The following EYA1 variants were observed in gnomAD, a reference collection of about 807,000 sequenced individuals.
The protein encoded by EYA1 is EYA transcriptional coactivator and phosphatase 1, also known as protein phosphatase EYA1.
A neutral mutation model predicts 82.0 loss-of-function variants in EYA1; 16 were observed. That is an observed-to-expected ratio of 0.20 (90% CI 0.13 to 0.30). The LOEUF is 0.30. Among genes scored for constraint, EYA1 ranks in the 10% least tolerant of loss-of-function variants. EYA1 has a pLI of 1.00. For missense variants in EYA1, 633 were observed against 730.7 expected (o/e 0.87, Z 1.54); for synonymous variants, 261 against 264.4 (o/e 0.99, Z 0.12).
chr8:71,374,305 A>G (rs1032138289), intron 2 of EYA1, among the ~76,000 whole-genome samples: 1 of 152,186 alleles, frequency 6.6e-6, no homozygotes, highest in African/African-American at 2.4e-5. Flanking sequence ...AAAGAACCCA[A>G]TCAAATAATG....
chr8:71,436,524 C>T (rs1806025493), intron 2 of EYA1, among the ~76,000 whole-genome samples: 1 of 152,026 alleles, frequency 6.6e-6, no homozygotes, highest in African/African-American at 2.4e-5. Context: ...TTGATTGTGT[C>T]CCTATAAAAA....
Position 71,457,713 on chromosome 8 carries a change from A to T in EYA1, c.33+78031T>A, listed in dbSNP as rs61147454. 1.7e-3 allele frequency among the ~76,000 whole-genome samples: 258 copies of T among 152,316 alleles called. 2 individuals are homozygous for T. Among genetic ancestry groups the T allele is most frequent in the African/African-American group, 6.0e-3 (249 of 41,564 alleles). On this transcript the variant is annotated intron_variant, in intron 2 of 18. Coordinates refer to the EYA1 transcript ENST00000643681. ...ACTCATAGGTGGGAATTGAACAATG[A>T]GAACACTTGGACACAGGAAGGGGAA...
At chr8:71,468,417 A>G (rs554178020) in intron 2 of EYA1, among the ~76,000 whole-genome samples, 4 of 152,100 alleles carry the variant, frequency 2.6e-5, no homozygotes, top group Admixed American at 6.6e-5. Flanking sequence ...TGAGGGTTGG[A>G]GTCCAACGGA....
At chr8:71,319,561 T>G (rs968885384) in intron 6 of EYA1, among the ~76,000 whole-genome samples, 2 of 152,178 alleles carry the variant, frequency 1.3e-5, no homozygotes, top group Non-Finnish European at 2.9e-5. Context: ...GACTTCTACC[T>G]ACAAGGTGGC....
chr8:71,356,436 A>C, intron 2 of EYA1, 26 bp downstream of exon 2: 1 of 1,568,140 alleles, frequency 6.4e-7, no homozygotes, highest in Non-Finnish European at 8.7e-7. Flanking sequence ...ATCTCCAAAA[A>C]TGTCAAATAT....
intron 14 of EYA1, among the ~76,000 whole-genome samples, chr8:71,216,212 A>G (rs2128852387): frequency 6.6e-6 from 1 of 152,316 alleles, no homozygotes; most frequent in Non-Finnish European, 1.5e-5. Context: ...TCATTTCAGC[A>G]TCTGCATATA....
intron 2 of EYA1, among the ~76,000 whole-genome samples, chr8:71,467,671 A>G (rs1051298815): frequency 6.6e-6 from 1 of 152,156 alleles, no homozygotes; most frequent in Non-Finnish European, 1.5e-5. Context: ...TGGGGTTGAA[A>G]GCATATCAAA....
chr8:71,218,080 A>T (rs1809437734), intron 12 of EYA1, among the ~76,000 whole-genome samples: 1 of 152,204 alleles, frequency 6.6e-6, no homozygotes, highest in Non-Finnish European at 1.5e-5. Flanking sequence ...CTTTGCAGTC[A>T]GGCTCCAAAT....
rs763278410 is a variant in EYA1 at position 71,445,243 on chromosome 8, TTAC to T, written c.34-88735_34-88733del. ...AAACTCCCATTCCATATTACCTCTTTTACTACTATTACTATACTGAATGAGTTT... is the reference window on the plus strand; with the variant it reads ...AAACTCCCATTCCATATTACCTCTTTTACTATTACTATACTGAATGAGTTT... On this transcript the variant is annotated intron_variant, in intron 2 of 18. Coordinates refer to the EYA1 transcript ENST00000643681. Among the ~76,000 whole-genome samples the T allele has an allele frequency of 4.6e-5, 7 of 152,338 alleles. No individual in the cohort carries two copies. In the East Asian group the frequency reaches 5.8e-4, roughly 13 times the overall value.
intron 2 of EYA1, among the ~76,000 whole-genome samples, chr8:71,518,482 C>A (rs1455810347): frequency 6.6e-6 from 1 of 152,110 alleles, no homozygotes; most frequent in African/African-American, 2.4e-5. Flanking sequence ...TCTGTCATGT[C>A]TAGGAATAGT....
chr8:71,284,086 C>T lies in EYA1; in HGVS notation c.827-12189G>A, dbSNP rs533845193. Among the ~76,000 whole-genome samples, 7 of 152,272 alleles carry T rather than the reference C, an allele frequency of 4.6e-5. No individual in the cohort carries two copies. The East Asian group carries it at 9.7e-4, about 21-fold the overall frequency. Reference sequence around the variant, plus strand: ...CAGAAACAGCATTGTTTCTCCAAGCCGTAAGTCTCACTTGTCAATGAGGAG... The same window carrying T: ...CAGAAACAGCATTGTTTCTCCAAGCTGTAAGTCTCACTTGTCAATGAGGAG... On this transcript the variant is annotated intron_variant, in intron 9 of 17. Transcript: ENST00000340726.
rs561714834 is a variant in EYA1, at chr8:71,328,411, T to A, written c.202+5686A>T. On this transcript the variant is annotated intron_variant, in intron 4 of 17. Transcript: ENST00000340726. ...TATGCCTTCACCCAGCCCCCTCAGC[T>A]CTCCTGATTCTTTCCGCTGTATTCA... is the stretch of plus-strand genomic sequence containing the variant. Among the ~76,000 whole-genome samples the A allele has an allele frequency of 1.6e-4, 24 of 152,218 alleles. No individual in the cohort carries two copies. The South Asian group carries it at 4.8e-3, about 30-fold the overall frequency.
At chr8:71,199,697 C>T (rs1806703282) in intron 17 of EYA1, among the ~76,000 whole-genome samples, 1 of 152,184 alleles carries the variant, frequency 6.6e-6, no homozygotes, top group Non-Finnish European at 1.5e-5. Context: ...ATGCCAATTC[C>T]AAGCTTTAAA....
rs77825059 is a variant in EYA1, at chr8:71,299,091, G to A, written c.782C>T (p.Pro261Leu). The change falls in exon 9 of 18, where the codon CCG becomes CTG. Residue 261 changes from proline (P) to leucine (L), a missense_variant. Coordinates refer to ENST00000340726, the MANE Select transcript of EYA1 (RefSeq NM_000503.6). ...STNATYQLQEPPSGITSQAVT... is the reference protein window; with the variant it reads ...STNATYQLQELPSGITSQAVT... The stretch of plus-strand genomic sequence containing the variant: ...TGCTTGGCTGGTGATGCCAGATGGC[G>A]GTTCTTGAAGCTGGTAAGTGGCATT... 1,040 of 1,614,064 alleles carry A rather than the reference G, an allele frequency of 6.4e-4. 12 individuals are homozygous for A. In the East Asian group the frequency reaches 0.018, roughly 28 times the overall value.
intron 2 of EYA1, among the ~76,000 whole-genome samples, chr8:71,394,867 A>G (rs969742009): frequency 2.0e-4 from 31 of 152,240 alleles, no homozygotes; most frequent in African/African-American, 6.5e-4. Context: ...CATTGAATCT[A>G]TAAATTACCT....
chr8:71,228,478 T>C (rs778095916), intron 12 of EYA1, among the ~76,000 whole-genome samples: 28 of 152,172 alleles, frequency 1.8e-4, no homozygotes, highest in Non-Finnish European at 3.4e-4. Flanking sequence ...GTTTTGTCTA[T>C]ACTCATAATT....
chr8:71,483,559 CA>C (rs5892280), intron 2 of EYA1, among the ~76,000 whole-genome samples: 2 of 148,754 alleles, frequency 1.3e-5, no homozygotes, highest in Non-Finnish European at 3.0e-5. Flanking sequence ...TTAGAATATA[CA>C]AAAAAAAAAC....
At chr8:71,458,376 T>G (rs2129186984) in intron 2 of EYA1, among the ~76,000 whole-genome samples, 1 of 152,212 alleles carries the variant, frequency 6.6e-6, no homozygotes, top group East Asian at 1.9e-4. Context: ...CAATCCTCTG[T>G]GTGTATGTAG....
Position 71,348,605 on chromosome 8 carries a change from T to C in EYA1, c.124+6177A>G, listed in dbSNP as rs576561127. Among the ~76,000 whole-genome samples the C allele has an allele frequency of 1.4e-4, 21 of 152,272 alleles. 1 individual carries two copies. Among genetic ancestry groups the C allele is most frequent in the African/African-American group, 3.9e-4 (16 of 41,530 alleles). On this transcript the variant is annotated intron_variant, in intron 3 of 17. Coordinates refer to ENST00000340726, the MANE Select transcript of EYA1 (RefSeq NM_000503.6). ...GCAATCAGCACTGGGGTTCCTATTC[T>C]TATTATGAAAGATACAGTTAGCTGC...
Sources: gnomAD v4.1 joint callset for allele counts (sites outside exome capture counted in the v4.1 genomes callset) on GRCh38, gnomAD v4.1.1 for gene constraint, MANE v1.5 for transcripts, NCBI Gene and HGNC (gene_info 2026-07-23, HGNC 2026-07-21) for gene names.